ADAMTSL3: variants seen among roughly 807,000 people sequenced by gnomAD.
The protein encoded by ADAMTSL3 is ADAMTS-like protein 3.
A neutral mutation model predicts 201.7 loss-of-function variants in ADAMTSL3; 128 were observed. That is an observed-to-expected ratio of 0.63 (90% CI 0.55 to 0.73). ADAMTSL3 has a LOEUF of 0.73. Among genes scored for constraint, ADAMTSL3 ranks in the 30% least tolerant of loss-of-function variants. The pLI, the probability that ADAMTSL3 is intolerant of heterozygous loss-of-function variation, is 0.00. For synonymous variants in ADAMTSL3, 738 were observed against 748.4 expected (o/e 0.99, Z 0.23); for missense variants, 1,990 against 2,119.6 (o/e 0.94, Z 1.20).
At chr15:83,855,529 G>C (rs146642735) in intron 7 of ADAMTSL3, among the ~76,000 whole-genome samples, 2 of 152,256 alleles carry the variant, frequency 1.3e-5, no homozygotes, top group East Asian at 3.9e-4. Context: ...GGCATTGAAG[G>C]AGCTCCAAAC....
Position 83,762,334 on chromosome 15 carries a change from T to C in ADAMTSL3, c.190-11189T>C, listed in dbSNP as rs76754573. ...TGGAATGACATATATTCTGCTTCTG[T>C]GGACACACTCTGATCTTAGCGTGCA... On this transcript the variant is annotated intron_variant, in intron 3 of 29. Transcript: ENST00000286744. 2.0e-5 allele frequency among the ~76,000 whole-genome samples: 3 copies of C among 152,338 alleles called. No individual in the cohort carries two copies. In the East Asian group the frequency reaches 5.8e-4, roughly 29 times the overall value.
chr15:83,910,878 G>A (rs975093704), intron 15 of ADAMTSL3, among the ~76,000 whole-genome samples: 4 of 151,438 alleles, frequency 2.6e-5, no homozygotes, highest in African/African-American at 9.7e-5. Context: ...GACCTCAGGT[G>A]ATTCGCCCGC....
chr15:83,768,089 A>G (rs1338359881), intron 3 of ADAMTSL3, among the ~76,000 whole-genome samples: 2 of 152,208 alleles, frequency 1.3e-5, no homozygotes, highest in African/African-American at 2.4e-5. Flanking sequence ...TAAGTCTTGC[A>G]TAAGTACAAA....
Position 83,892,791 on chromosome 15 carries a change from TGGAA to T in ADAMTSL3, c.1372_1375del (p.Glu458AsnfsTer34). 2 of 1,614,034 alleles carry T rather than the reference TGGAA, an allele frequency of 1.2e-6. No homozygotes were observed. Among genetic ancestry groups the T allele is most frequent in the Non-Finnish European group, 1.7e-6 (2 of 1,179,994 alleles). On this transcript the variant is annotated frameshift_variant, in exon 13 of 30. Coordinates refer to ENST00000286744, the MANE Select transcript of ADAMTSL3 (RefSeq NM_207517.3). LOFTEE classifies it high-confidence loss of function. ...TCCATGCATGGAGAGATATTGCAGG[TGGAA>T]GAATGGAAGTGCATGTACGCACCCA...
At chr15:84,018,489 G>C (rs897197915) in intron 25 of ADAMTSL3, among the ~76,000 whole-genome samples, 1 of 152,214 alleles carries the variant, frequency 6.6e-6, no homozygotes, top group Non-Finnish European at 1.5e-5. Flanking sequence ...GATACACAGT[G>C]ATAGGAGGAA....
intron 23 of ADAMTSL3, among the ~76,000 whole-genome samples, chr15:83,991,799 C>G (rs543063888): frequency 6.6e-6 from 1 of 152,322 alleles, no homozygotes; most frequent in East Asian, 1.9e-4. Flanking sequence ...AGAATTGACA[C>G]TTTCAGTCTG....
chr15:84,034,266 T>A (rs2068461409), intron 28 of ADAMTSL3, among the ~76,000 whole-genome samples: 1 of 151,988 alleles, frequency 6.6e-6, no homozygotes, highest in Non-Finnish European at 1.5e-5. Context: ...AGGTGTTAGA[T>A]CTCACTTTTG....
At chr15:83,725,244 A>C (rs182396743) in intron 3 of ADAMTSL3, among the ~76,000 whole-genome samples, 2 of 151,060 alleles carry the variant, frequency 1.3e-5, no homozygotes, top group African/African-American at 4.8e-5. Flanking sequence ...GATAAAAGTC[A>C]TTTTAACTGG....
intron 25 of ADAMTSL3, among the ~76,000 whole-genome samples, chr15:84,019,463 T>C (rs1432686768): frequency 6.6e-6 from 1 of 152,162 alleles, no homozygotes; most frequent in Non-Finnish European, 1.5e-5. Flanking sequence ...TTGATAATAG[T>C]CATTGACAGG....
At chr15:83,752,633 A>G (rs962717522) in intron 3 of ADAMTSL3, among the ~76,000 whole-genome samples, 2 of 152,204 alleles carry the variant, frequency 1.3e-5, no homozygotes, top group Admixed American at 6.5e-5. Flanking sequence ...GAAATTTCCT[A>G]TATTTGCAAT....
intron 19 of ADAMTSL3, among the ~76,000 whole-genome samples, chr15:83,967,435 A>G (rs977273472): frequency 3.3e-5 from 5 of 152,196 alleles, no homozygotes; most frequent in African/African-American, 1.2e-4. Context: ...CACAATTGCT[A>G]CAAAGAGAAT....
chr15:83,719,431 CA>C (rs1418909311), intron 3 of ADAMTSL3, among the ~76,000 whole-genome samples: 1 of 152,040 alleles, frequency 6.6e-6, no homozygotes, highest in Admixed American at 6.5e-5. Flanking sequence ...AACAAATAAA[CA>C]GACAAAAAAC....
intron 4 of ADAMTSL3, among the ~76,000 whole-genome samples, chr15:83,803,041 A>G (rs906817316): frequency 6.6e-6 from 1 of 152,212 alleles, no homozygotes; most frequent in Non-Finnish European, 1.5e-5. Context: ...ATAATGGACT[A>G]TGATGTAATC....
chr15:83,940,873 T>C (rs2066546081), intron 17 of ADAMTSL3, among the ~76,000 whole-genome samples: 2 of 152,112 alleles, frequency 1.3e-5, no homozygotes, highest in Non-Finnish European at 2.9e-5. Flanking sequence ...GGAATTCACC[T>C]GTTTCTTGAA....
At chr15:83,833,305 A>G (rs570829067) in intron 6 of ADAMTSL3, among the ~76,000 whole-genome samples, 2 of 152,268 alleles carry the variant, frequency 1.3e-5, no homozygotes, top group Admixed American at 6.5e-5. Context: ...TGGCAGATTC[A>G]GTGTCTGGTG....
At chr15:83,874,877 T>C (rs962922062) in intron 9 of ADAMTSL3, among the ~76,000 whole-genome samples, 4 of 145,814 alleles carry the variant, frequency 2.7e-5, no homozygotes, top group Non-Finnish European at 4.5e-5. Context: ...AGGTGTCACA[T>C]GTGAACAAGA....
intron 4 of ADAMTSL3, among the ~76,000 whole-genome samples, chr15:83,793,110 C>G (rs77510589): frequency 0.055 from 8,326 of 152,132 alleles, 293 homozygotes; most frequent in Non-Finnish European, 0.081. Context: ...CATAATCTCA[C>G]TCATATGTAG....
At chr15:83,962,100 C>T (rs767223843) in intron 19 of ADAMTSL3, 9 of 152,096 alleles carry the variant, frequency 5.9e-5, no homozygotes, top group Admixed American at 2.0e-4. Flanking sequence ...ATGAGTCTCA[C>T]GAGATCTGAT....
chr15:83,862,066 G>C (rs2064875098), intron 8 of ADAMTSL3: 1 of 152,008 alleles, frequency 6.6e-6, no homozygotes, highest in Non-Finnish European at 1.5e-5. Flanking sequence ...GAAGTTTAGA[G>C]AAAAAAAGAA....
Sources: gnomAD v4.1 joint callset for allele counts (sites outside exome capture counted in the v4.1 genomes callset) on GRCh38, gnomAD v4.1.1 for gene constraint, MANE v1.5 for transcripts, NCBI Gene and HGNC (gene_info 2026-07-23, HGNC 2026-07-21) for gene names.